TBX4: variants seen among roughly 807,000 people sequenced by gnomAD.
The protein encoded by TBX4 is T-box transcription factor 4.
TBX4 carries 13 observed loss-of-function variants against 54.6 expected under a neutral mutation model. The ratio of observed to expected loss-of-function variants is 0.24; its 90% CI spans 0.15 to 0.38. The LOEUF is 0.38. Ranked by LOEUF, TBX4 falls within the 10% of genes least tolerant of loss-of-function variation. The probability of loss-of-function intolerance (pLI) is 1.00; values close to 1 mark genes in which losing one functional copy is unlikely to be tolerated. For missense variants in TBX4, 631 were observed against 728.5 expected (o/e 0.87, Z 1.54); for synonymous variants, 314 against 306.7 (o/e 1.02, Z -0.25).
chr17:61,474,948 G>A lies in TBX4; in HGVS notation c.550-3679G>A, dbSNP rs181067286. Among the ~76,000 whole-genome samples the A allele has an allele frequency of 2.1e-3, 319 of 152,334 alleles. No homozygotes were observed. The highest frequency in any genetic ancestry group is 3.6e-3 in the Non-Finnish European group (246 of 68,032). On this transcript the variant is annotated intron_variant, in intron 5 of 8. Coordinates refer to ENST00000644296, the MANE Select transcript of TBX4 (RefSeq NM_001321120.2). The surrounding 1 kb of genome is among the most constrained non-coding windows in gnomAD (Gnocchi z 4.6). ...ACTGTCGGAGTCAGAAGGGGTGTTT[G>A]GGACCACTTAGTCAAAGGCCCCACT...
At chr17:61,468,142 T>C (rs1431014553) in intron 5 of TBX4, among the ~76,000 whole-genome samples, 2 of 152,198 alleles carry the variant, frequency 1.3e-5, no homozygotes, top group African/African-American at 4.8e-5. Flanking sequence ...CTCTTTGGTG[T>C]GTACCGTCTG....
At chr17:61,469,591 C>T (rs552254931) in intron 5 of TBX4, among the ~76,000 whole-genome samples, 19 of 152,166 alleles carry the variant, frequency 1.2e-4, no homozygotes, top group Non-Finnish European at 2.5e-4. Context: ...GCCCAGGTAC[C>T]GTCTCAGACC....
intron 5 of TBX4, among the ~76,000 whole-genome samples, chr17:61,470,801 C>T (rs575697135): frequency 1.2e-4 from 19 of 152,346 alleles, no homozygotes; most frequent in African/African-American, 2.9e-4. Context: ...CTACCTCCCA[C>T]GCCCAGCAGG....
rs1469541578 is a variant in TBX4, at chr17:61,476,552, C to T, written c.550-2075C>T. 6.6e-6 allele frequency among the ~76,000 whole-genome samples: 1 copy of T among 152,212 alleles called. No individual in the cohort carries two copies. The highest frequency in any genetic ancestry group is 1.5e-5 in the Non-Finnish European group (1 of 68,034). ...TGTTTTCCAGGCCCAGTTCCTCTCG[C>T]CACAGGAGCATCCCCAGCGTCCTGG... On this transcript the variant is annotated intron_variant, in intron 5 of 8. Transcript: ENST00000644296. This position sits in a 1 kb window ranked among gnomAD's most constrained non-coding sequence, Gnocchi z 6.5.
chr17:61,461,186 C>A lies in TBX4; in HGVS notation c.281+3555C>A, dbSNP rs745570891. On this transcript the variant is annotated intron_variant, in intron 3 of 8. Transcript: ENST00000644296. The surrounding 1 kb of genome is among the most constrained non-coding windows in gnomAD (Gnocchi z 5.1). ...AAGAGAAGCAACCGATCTTCCAAAA[C>A]AACATCCATTCCACACACTCTCACC... Among the ~76,000 whole-genome samples the A allele has an allele frequency of 6.6e-6, 1 of 152,220 alleles. No individual in the cohort carries two copies. Among genetic ancestry groups the A allele is most frequent in the Non-Finnish European group, 1.5e-5 (1 of 68,034 alleles).
rs1025363939 is a variant in TBX4, at chr17:61,484,674, G to C, written c.*1158G>C. The C allele has an allele frequency of 6.6e-6, 1 of 151,640 alleles. No homozygotes were observed. The highest frequency in any genetic ancestry group is 2.4e-5 in the African/African-American group (1 of 41,258). 9.4% of individuals were successfully genotyped at this position (151,640 alleles called of 1,614,324 possible). On this transcript the variant is annotated 3_prime_UTR_variant, in exon 9 of 9. Transcript: ENST00000644296. The surrounding 1 kb of genome is among the most constrained non-coding windows in gnomAD (Gnocchi z 4.1). ...TACCACCAGGCCATCAGTGTGGCTG[G>C]GGTGAACTCTCCATCAAACTTGGGA...
chr17:61,482,711 G>C (rs920158640), intron 8 of TBX4, among the ~76,000 whole-genome samples, 186 bp from the exon 9 acceptor site: 3 of 152,186 alleles, frequency 2.0e-5, no homozygotes, highest in Non-Finnish European at 4.4e-5. Flanking sequence ...TCCGTAATCT[G>C]ACCACTTCTT....
At position 61,483,621 on chromosome 17, in the gene TBX4, T is replaced by C; in HGVS notation, c.*105T>C. 9 of 967,174 alleles carry C rather than the reference T, an allele frequency of 9.3e-6. No homozygotes were observed. In the South Asian group the frequency reaches 1.3e-4, roughly 14 times the overall value. The allele number at this position is 967,174 out of a possible 1,614,324, so 59.9% of individuals were successfully genotyped here. A position where few individuals can be genotyped will look rare whatever the true frequency, so the allele number is the denominator to read the frequency against. ...ACACAGGAAGGTATTCCAGTGTGTG[T>C]GTGTGTGTGTGTGTGTGTGTGTGTG... On this transcript the variant is annotated 3_prime_UTR_variant, in exon 9 of 9. Coordinates refer to ENST00000644296, the MANE Select transcript of TBX4 (RefSeq NM_001321120.2). This position sits in a 1 kb window ranked among gnomAD's most constrained non-coding sequence, Gnocchi z 6.6.
chr17:61,480,563 C>T lies in TBX4; in HGVS notation c.1021+244C>T, dbSNP rs909973108. Among the ~76,000 whole-genome samples, 5 of 152,194 alleles carry T rather than the reference C, an allele frequency of 3.3e-5. No homozygotes were observed. The highest frequency in any genetic ancestry group is 1.9e-4 in the East Asian group (1 of 5,192). ...AACCCTCACAGACAGCTTGTAGCCC[C>T]GGTGTCCCCAGACACCTTTCCAAGT... On this transcript the variant is annotated intron_variant, in intron 8 of 8. Transcript: ENST00000644296. This position sits in a 1 kb window ranked among gnomAD's most constrained non-coding sequence, Gnocchi z 6.2.
Position 61,482,616 on chromosome 17 carries a change from C to T in TBX4, c.1022-281C>T, listed in dbSNP as rs182218864. On this transcript the variant is annotated intron_variant, in intron 8 of 8. Coordinates refer to ENST00000644296, the MANE Select transcript of TBX4 (RefSeq NM_001321120.2). ...TCTCACTCTGCAAGAGTCAGGCTGGCGAAGGATCAAAGCCGAGTGCTGCCT... is the reference window on the plus strand; with the variant it reads ...TCTCACTCTGCAAGAGTCAGGCTGGTGAAGGATCAAAGCCGAGTGCTGCCT... Among the ~76,000 whole-genome samples the T allele has an allele frequency of 9.8e-5, 15 of 152,320 alleles. No individual in the cohort carries two copies. The East Asian group carries it at 1.4e-3, about 14-fold the overall frequency.
In TBX4 at chr17:61,481,616, G is replaced by A. The variant is rs1273333668; in HGVS notation, c.1022-1281G>A. On this transcript the variant is annotated intron_variant, in intron 8 of 8. Transcript: ENST00000644296. The surrounding 1 kb of genome is among the most constrained non-coding windows in gnomAD (Gnocchi z 4.8). ...AGGGCAGATGCCACCAGCAGGGGCAGAGGAGAGAGGTGAGCAGAGGCCTTC... is the reference window on the plus strand; with the variant it reads ...AGGGCAGATGCCACCAGCAGGGGCAAAGGAGAGAGGTGAGCAGAGGCCTTC... Among the ~76,000 whole-genome samples the A allele has an allele frequency of 1.3e-5, 2 of 152,220 alleles. No homozygotes were observed. Among genetic ancestry groups the A allele is most frequent in the African/African-American group, 2.4e-5 (1 of 41,460 alleles).
intron 4 of TBX4, among the ~76,000 whole-genome samples, chr17:61,466,232 C>A (rs1227502525): frequency 3.9e-5 from 6 of 152,156 alleles, no homozygotes; most frequent in African/African-American, 1.4e-4. Flanking sequence ...GACTTGGTAA[C>A]TATGCTGTCA....
At position 61,478,858 on chromosome 17, in the gene TBX4, T is replaced by C. The variant is rs1220264102; in HGVS notation, c.702+79T>C. 6.2e-7 allele frequency: 1 copy of C among 1,609,760 alleles called. No individual in the cohort carries two copies. The highest frequency in any genetic ancestry group is 1.7e-5 in the Admixed American group (1 of 59,968). On this transcript the variant is annotated intron_variant, in intron 6 of 8. Transcript: ENST00000644296. The surrounding 1 kb of genome is among the most constrained non-coding windows in gnomAD (Gnocchi z 7.4). ...TCTTCCACCAGGCAGAGAGGCAGAG[T>C]GTGAAGCCAGAGTCCCAGCAGGGCT... is the stretch of plus-strand genomic sequence containing the variant.
At position 61,475,394 on chromosome 17, in the gene TBX4, T is replaced by C. The variant is rs1283555141; in HGVS notation, c.550-3233T>C. 9.9e-5 allele frequency among the ~76,000 whole-genome samples: 15 copies of C among 152,148 alleles called. No homozygotes were observed. Among genetic ancestry groups the C allele is most frequent in the Admixed American group, 9.8e-4 (15 of 15,282 alleles). Reference sequence around the variant, plus strand: ...TACAAAAGGCCCTGCTCTTAAGCAATGCACATCTTCCTGAATTTCCCAGAA... The same window carrying C: ...TACAAAAGGCCCTGCTCTTAAGCAACGCACATCTTCCTGAATTTCCCAGAA... On this transcript the variant is annotated intron_variant, in intron 5 of 8. Transcript: ENST00000644296. This position sits in a 1 kb window ranked among gnomAD's most constrained non-coding sequence, Gnocchi z 5.0.
rs925015500 is a variant in TBX4, at chr17:61,481,047, C to T, written c.1021+728C>T. Among the ~76,000 whole-genome samples, 4 of 152,116 alleles carry T rather than the reference C, an allele frequency of 2.6e-5. No homozygotes were observed. The highest frequency in any genetic ancestry group is 6.5e-5 in the Admixed American group (1 of 15,268). On this transcript the variant is annotated intron_variant, in intron 8 of 8. Coordinates refer to ENST00000644296, the MANE Select transcript of TBX4 (RefSeq NM_001321120.2). The surrounding 1 kb of genome is among the most constrained non-coding windows in gnomAD (Gnocchi z 4.8). ...AGCCTGGGGACTTTTGCTTGCCTTC[C>T]GGAATGTTCCCTCAGCCCTGGTCCT...
rs1180289855 is a variant in TBX4 at position 61,460,515 on chromosome 17, C to A, written c.281+2884C>A. ...AAAATGCCAACCACAGTGGGAGCCA[C>A]CAGTTTCTGAATACTCAGCGACCTC... On this transcript the variant is annotated intron_variant, in intron 3 of 8. Coordinates refer to ENST00000644296, the MANE Select transcript of TBX4 (RefSeq NM_001321120.2). The surrounding 1 kb of genome is among the most constrained non-coding windows in gnomAD (Gnocchi z 4.4). 6.6e-6 allele frequency among the ~76,000 whole-genome samples: 1 copy of A among 152,128 alleles called. No individual in the cohort carries two copies. Among genetic ancestry groups the A allele is most frequent in the African/African-American group, 2.4e-5 (1 of 41,406 alleles).
intron 1 of TBX4, among the ~76,000 whole-genome samples, chr17:61,455,218 C>T (rs1393679442): frequency 6.6e-6 from 1 of 152,182 alleles, no homozygotes; most frequent in South Asian, 2.1e-4. Context: ...TCCTGGGAGT[C>T]GAAGTCTAAG....
Position 61,480,271 on chromosome 17 carries a change from C to T in TBX4, c.973C>T (p.Pro325Ser), listed in dbSNP as rs751211966. ...EPQDLPLSTF[P>S]TQRDSSLFYH... is the part of the protein sequence containing the mutation. ...GCAGGACCTGCCCCTCAGCACCTTT[C>T]CCACCCAGAGGGACTCAAGCCTCTT... Residue 325 changes from proline to serine, a missense_variant, in exon 8 of 9, where the codon CCC becomes TCC. Coordinates refer to ENST00000644296, the MANE Select transcript of TBX4 (RefSeq NM_001321120.2). The surrounding 1 kb of genome is among the most constrained non-coding windows in gnomAD (Gnocchi z 6.2). The T allele has an allele frequency of 6.2e-7, 1 of 1,614,112 alleles. No homozygotes were observed. The highest frequency in any genetic ancestry group is 1.1e-5 in the South Asian group (1 of 91,078).
Position 61,484,123 on chromosome 17 carries a change from G to A in TBX4, c.*607G>A, listed in dbSNP as rs1466455515. The A allele has an allele frequency of 6.5e-6, 1 of 154,794 alleles. No individual in the cohort carries two copies. Among genetic ancestry groups the A allele is most frequent in the African/African-American group, 2.4e-5 (1 of 41,448 alleles). The allele number at this position is 154,794 out of a possible 1,614,324, so 9.6% of individuals were successfully genotyped here. The stretch of plus-strand genomic sequence containing the variant: ...CTTTGATAGTACAGCTGGCTGCTCA[G>A]TGAGTGGCCTAGACATTGATGACTG... On this transcript the variant is annotated 3_prime_UTR_variant, in exon 9 of 9. Transcript: ENST00000644296. The surrounding 1 kb of genome is among the most constrained non-coding windows in gnomAD (Gnocchi z 4.1).
Sources: allele counts gnomAD v4.1 joint callset (sites outside exome capture counted in the v4.1 genomes callset), GRCh38; gene constraint gnomAD v4.1.1; non-coding constraint Gnocchi (gnomAD v3.1); transcripts MANE v1.5; gene names NCBI Gene and HGNC (gene_info 2026-07-23, HGNC 2026-07-21).